Variants in GNAO1 observed in about 807,000 individuals in gnomAD.
The protein encoded by GNAO1 is guanine nucleotide-binding protein G(o) subunit alpha.
For synonymous variants in GNAO1, 164 were observed against 180.7 expected (o/e 0.91, Z 0.74); for missense variants, 166 against 478.7 (o/e 0.35, Z 6.10).
intron 2 of GNAO1, among the ~76,000 whole-genome samples, chr16:56,265,002 T>C (rs1232271970): frequency 6.6e-6 from 1 of 152,194 alleles, no homozygotes; most frequent in East Asian, 1.9e-4. Context: ...GTGCCCAAGT[T>C]ATTCATCCTC....
At chr16:56,321,339 G>A (rs2037569748) in intron 3 of GNAO1, among the ~76,000 whole-genome samples, 3 of 152,194 alleles carry the variant, frequency 2.0e-5, no homozygotes, top group South Asian at 2.1e-4. Flanking sequence ...GGATCCAGGC[G>A]TTGACATATT....
At chr16:56,227,549 A>G (rs1217375286) in intron 2 of GNAO1, among the ~76,000 whole-genome samples, 9 of 152,102 alleles carry the variant, frequency 5.9e-5, no homozygotes, top group Non-Finnish European at 1.2e-4. Flanking sequence ...TTGGCCAGGC[A>G]CAGTGGCTCA....
rs535205414 is a variant in GNAO1 at position 56,213,373 on chromosome 16, G to A, written c.161+20757G>A. 5.4e-4 allele frequency: 217 copies of A among 398,538 alleles called. No individual in the cohort carries two copies. The highest frequency in any genetic ancestry group is 8.0e-4 in the Non-Finnish European group (181 of 226,068). The allele number at this position is 398,538 out of a possible 1,614,324, so 24.7% of individuals were successfully genotyped here. A position where few individuals can be genotyped will look rare whatever the true frequency, so the allele number is the denominator to read the frequency against. ...CCTCCTGGAGTGTTCTGACATTCTT[G>A]TTAGGGGAGACAGGCAATAAATAAG... On this transcript the variant is annotated intron_variant, in intron 2 of 8. Coordinates refer to ENST00000262493, the MANE Select transcript of GNAO1 (RefSeq NM_020988.3).
chr16:56,196,971 C>A (rs1471518987), intron 2 of GNAO1, among the ~76,000 whole-genome samples: 1 of 152,182 alleles, frequency 6.6e-6, no homozygotes, highest in Non-Finnish European at 1.5e-5. Flanking sequence ...ATGGCTTTTT[C>A]CTCCCAGCTG....
At chr16:56,288,741 G>A (rs984573792) in intron 3 of GNAO1, among the ~76,000 whole-genome samples, 2 of 152,090 alleles carry the variant, frequency 1.3e-5, no homozygotes, top group Non-Finnish European at 2.9e-5. Context: ...AGGGGTGGAG[G>A]CGGGTAGGGT....
intron 2 of GNAO1, among the ~76,000 whole-genome samples, chr16:56,252,086 C>T (rs1406081641): frequency 6.6e-6 from 1 of 152,188 alleles, no homozygotes; most frequent in Non-Finnish European, 1.5e-5. Flanking sequence ...AAAGTAGGGC[C>T]ACACCAAGGA....
At chr16:56,254,767 T>C (rs1013730090) in intron 2 of GNAO1, among the ~76,000 whole-genome samples, 6 of 152,186 alleles carry the variant, frequency 3.9e-5, no homozygotes, top group African/African-American at 1.4e-4. Flanking sequence ...TTTAATGTAG[T>C]TGCTTCAAAT....
At chr16:56,207,263 C>T (rs867438160) in intron 2 of GNAO1, among the ~76,000 whole-genome samples, 2 of 152,226 alleles carry the variant, frequency 1.3e-5, no homozygotes, top group African/African-American at 2.4e-5. Flanking sequence ...TATTCAGTCT[C>T]TCTGAACCTC....
intron 2 of GNAO1, among the ~76,000 whole-genome samples, chr16:56,215,549 G>C (rs554907353): frequency 2.9e-4 from 44 of 152,320 alleles, no homozygotes; most frequent in African/African-American, 9.6e-4. Flanking sequence ...ACTGAGCCCA[G>C]TACTAGGAAC....
intron 4 of GNAO1, among the ~76,000 whole-genome samples, chr16:56,330,516 G>A (rs2037678233): frequency 6.6e-6 from 1 of 152,066 alleles, no homozygotes; most frequent in African/African-American, 2.4e-5. Context: ...GATGTAAAAT[G>A]AGAAGTAATC....
At chr16:56,271,645 G>A (rs1394885040) in intron 2 of GNAO1, among the ~76,000 whole-genome samples, 1 of 152,040 alleles carries the variant, frequency 6.6e-6, no homozygotes, top group Non-Finnish European at 1.5e-5. Context: ...AGTAGAGACG[G>A]GGTTTCACCA....
chr16:56,314,643 C>A (rs368551879), intron 3 of GNAO1, among the ~76,000 whole-genome samples: 1 of 152,200 alleles, frequency 6.6e-6, no homozygotes, highest in African/African-American at 2.4e-5. Flanking sequence ...TGCAGCCCGG[C>A]GCCGAGTCCA....
At chr16:56,306,410 G>T (rs2587887) in intron 3 of GNAO1, among the ~76,000 whole-genome samples, 5 of 152,192 alleles carry the variant, frequency 3.3e-5, no homozygotes, top group African/African-American at 1.2e-4. Flanking sequence ...CTCCTTCAGG[G>T]TTTCCTCCCA....
chr16:56,284,111 A>G lies in GNAO1; in HGVS notation c.303+8039A>G, dbSNP rs532420908. 6.1e-4 allele frequency among the ~76,000 whole-genome samples: 93 copies of G among 152,308 alleles called. 2 individuals carry two copies. In the South Asian group the frequency reaches 0.019, roughly 31 times the overall value. On this transcript the variant is annotated intron_variant, in intron 3 of 8. Transcript: ENST00000262493. Reference sequence around the variant, plus strand: ...TCAATCAATCATTCCACAAATACTTATCACTCAATTACTTATTACTTACAA... The same window carrying G: ...TCAATCAATCATTCCACAAATACTTGTCACTCAATTACTTATTACTTACAA...
chr16:56,273,092 A>G (rs1390012875), intron 2 of GNAO1, among the ~76,000 whole-genome samples: 1 of 152,244 alleles, frequency 6.6e-6, no homozygotes, highest in Admixed American at 6.5e-5. Flanking sequence ...ATAATATTAT[A>G]TTAATACTAC....
chr16:56,347,458 G>C (rs779389916), intron 6 of GNAO1: 189 of 985,500 alleles, frequency 1.9e-4, no homozygotes, highest in Non-Finnish European at 2.1e-4. Flanking sequence ...CCCTCAGCAA[G>C]AAGAGTCCTG....
intron 2 of GNAO1, chr16:56,213,545 A>G: frequency 2.6e-6 from 1 of 388,722 alleles, no homozygotes; most frequent in Non-Finnish European, 4.5e-6. Flanking sequence ...GAGTCTTGCC[A>G]TGTTGTCAAG....
intron 3 of GNAO1, among the ~76,000 whole-genome samples, chr16:56,328,059 G>A (rs758832275): frequency 2.0e-5 from 3 of 152,150 alleles, no homozygotes; most frequent in Non-Finnish European, 1.5e-5. Flanking sequence ...CCCTCCCCCA[G>A]TCCTGAGGCA....
At chr16:56,298,894 G>A (rs538114120) in intron 3 of GNAO1, among the ~76,000 whole-genome samples, 8 of 148,682 alleles carry the variant, frequency 5.4e-5, no homozygotes, top group African/African-American at 2.0e-4. Context: ...CAGCCTGGGC[G>A]AGAGAGTGAG....
Sources: allele counts gnomAD v4.1 joint callset (sites outside exome capture counted in the v4.1 genomes callset), GRCh38; gene constraint gnomAD v4.1.1; transcripts MANE v1.5; gene names NCBI Gene and HGNC (gene_info 2026-07-23, HGNC 2026-07-21).